The following PDE11A variants were observed in gnomAD, a reference collection of about 807,000 sequenced individuals.
PDE11A encodes dual 3',5'-cyclic-AMP and -GMP phosphodiesterase 11A.
Under a neutral mutation model 100.5 loss-of-function variants are expected in PDE11A, and 100 were observed. The ratio of observed to expected loss-of-function variants is 1.00; its 90% CI spans 0.85 to 1.18. The LOEUF (loss-of-function observed/expected upper bound fraction) is 1.18. Ranked by LOEUF, PDE11A falls within the 50% of genes most tolerant of loss-of-function variation. The pLI, the probability that PDE11A is intolerant of heterozygous loss-of-function variation, is 0.00. For missense variants in PDE11A, 1,141 were observed against 1,152.6 expected, an observed-to-expected ratio of 0.99 and a Z score of 0.15; for synonymous variants, 381 against 420.8, an observed-to-expected ratio of 0.91 and a Z score of 1.16.
chr2:177,768,147 G>A (rs2082264044), intron 10 of PDE11A, among the ~76,000 whole-genome samples: 1 of 152,130 alleles, frequency 6.6e-6, no homozygotes. Flanking sequence ...GCCCTTGCGA[G>A]GAGTTCTTTT....
intron 2 of PDE11A, among the ~76,000 whole-genome samples, chr2:177,960,963 A>G (rs538540037): frequency 6.6e-6 from 1 of 152,314 alleles, no homozygotes; most frequent in East Asian, 1.9e-4. Flanking sequence ...TAGATAGCAA[A>G]TGCTTCAGTA....
chr2:178,062,311 C>T (rs2086982285), intron 1 of PDE11A, among the ~76,000 whole-genome samples: 3 of 148,794 alleles, frequency 2.0e-5, no homozygotes, highest in African/African-American at 7.5e-5. Context: ...GAGAATCTGA[C>T]TCCAGTCTCA....
At chr2:177,822,275 C>T (rs2083153137) in intron 6 of PDE11A, among the ~76,000 whole-genome samples, 1 of 151,626 alleles carries the variant, frequency 6.6e-6, no homozygotes, top group African/African-American at 2.4e-5. Context: ...ATAATATGAG[C>T]TAGGAGTCAA....
At chr2:177,811,028 T>C (rs1014770167) in intron 9 of PDE11A, among the ~76,000 whole-genome samples, 3 of 152,304 alleles carry the variant, frequency 2.0e-5, no homozygotes, top group Admixed American at 1.3e-4. Context: ...CACAGACTTA[T>C]ATTTTCTGGC....
intron 2 of PDE11A, among the ~76,000 whole-genome samples, chr2:177,938,568 A>G (rs1303826165): frequency 6.6e-6 from 1 of 152,108 alleles, no homozygotes; most frequent in African/African-American, 2.4e-5. Flanking sequence ...ATGCTTACAC[A>G]ATTCCCTGGC....
chr2:177,812,434 A>T (rs144546254), intron 9 of PDE11A, among the ~76,000 whole-genome samples: 252 of 152,300 alleles, frequency 1.7e-3, no homozygotes, highest in African/African-American at 5.6e-3. Context: ...ACACAAAGCA[A>T]GATCTGCATT....
At chr2:177,643,592 A>G (rs2080177877) in intron 19 of PDE11A, among the ~76,000 whole-genome samples, 1 of 152,246 alleles carries the variant, frequency 6.6e-6, no homozygotes, top group South Asian at 2.1e-4. Context: ...ACAATGCAAT[A>G]GAAAAGAAAA....
rs1421088254 is a variant in PDE11A at position 177,890,342 on chromosome 2, AAGG to A, written c.1302+7713_1302+7715del. Among the ~76,000 whole-genome samples the A allele has an allele frequency of 2.0e-5, 3 of 152,166 alleles. No individual in the cohort carries two copies. The East Asian group carries it at 5.8e-4, about 29-fold the overall frequency. On this transcript the variant is annotated intron_variant, in intron 4 of 19. Coordinates refer to ENST00000286063, the MANE Select transcript of PDE11A (RefSeq NM_016953.4). ...ACACCTTCTGCCAATCTATGGCAGC[AAGG>A]AGGACTCAAGAAACATCCCCGAGCC... is the stretch of plus-strand genomic sequence containing the variant.
intron 1 of PDE11A, among the ~76,000 whole-genome samples, chr2:178,025,163 G>A (rs1220135958): frequency 6.6e-6 from 1 of 152,178 alleles, no homozygotes; most frequent in Non-Finnish European, 1.5e-5. Flanking sequence ...TTCCTAAAGA[G>A]TTCTAAATAG....
intron 1 of PDE11A, among the ~76,000 whole-genome samples, chr2:178,043,095 T>C (rs369132562): frequency 7.9e-4 from 121 of 152,340 alleles, no homozygotes; most frequent in African/African-American, 2.7e-3. Context: ...TTGTGGTTTA[T>C]GCAGTGCAGT....
At chr2:177,943,559 C>T (rs997183305) in intron 2 of PDE11A, among the ~76,000 whole-genome samples, 3 of 152,078 alleles carry the variant, frequency 2.0e-5, no homozygotes, top group Non-Finnish European at 2.9e-5. Context: ...AAGTCCTTTG[C>T]CCATTTTTAA....
At chr2:177,709,631 G>A (rs1574067234) in intron 13 of PDE11A, among the ~76,000 whole-genome samples, 2 of 152,192 alleles carry the variant, frequency 1.3e-5, no homozygotes, top group East Asian at 1.9e-4. Flanking sequence ...CTGAAGGATC[G>A]TGAAGAGTGA....
At chr2:177,785,006 A>T (rs981909367) in intron 9 of PDE11A, among the ~76,000 whole-genome samples, 1 of 152,094 alleles carries the variant, frequency 6.6e-6, no homozygotes, top group African/African-American at 2.4e-5. Context: ...ATTTAGTAAA[A>T]CTTTGTTTTC....
At chr2:178,062,323 A>T (rs941889327) in intron 1 of PDE11A, among the ~76,000 whole-genome samples, 2 of 149,406 alleles carry the variant, frequency 1.3e-5, no homozygotes, top group Admixed American at 6.7e-5. Context: ...CCAGTCTCAT[A>T]TACCTGAAGA....
chr2:177,867,568 A>C (rs900940883), intron 5 of PDE11A, among the ~76,000 whole-genome samples: 1 of 152,074 alleles, frequency 6.6e-6, no homozygotes, highest in Non-Finnish European at 1.5e-5. Flanking sequence ...TCTCTACTAA[A>C]AATACAAAAA....
intron 13 of PDE11A, among the ~76,000 whole-genome samples, chr2:177,703,211 A>G (rs2081226550): frequency 6.6e-6 from 1 of 152,154 alleles, no homozygotes; most frequent in South Asian, 2.1e-4. Flanking sequence ...ATTATTATTA[A>G]TAAAGCTACC....
At chr2:177,794,777 TGTTTGTTTG>T (rs1558942256) in intron 9 of PDE11A, among the ~76,000 whole-genome samples, 1 of 65,038 alleles carries the variant, frequency 1.5e-5, no homozygotes, top group Non-Finnish European at 3.1e-5. Context: ...TTTGTTTGTT[TGTTTGTTTG>T]TTTGTTTGTT....
intron 15 of PDE11A, among the ~76,000 whole-genome samples, chr2:177,683,990 T>C (rs373534710): frequency 9.8e-5 from 15 of 152,318 alleles, no homozygotes; most frequent in South Asian, 2.1e-4. Flanking sequence ...CCTGAAGCTA[T>C]GGTTAATTTG....
chr2:178,037,202 A>G (rs2086625045), intron 1 of PDE11A, among the ~76,000 whole-genome samples: 1 of 152,236 alleles, frequency 6.6e-6, no homozygotes, highest in Admixed American at 6.5e-5. Flanking sequence ...ACCATGAAAC[A>G]GTGGGCAAAG....
Sources: allele counts gnomAD v4.1 joint callset (sites outside exome capture counted in the v4.1 genomes callset), GRCh38; gene constraint gnomAD v4.1.1; transcripts MANE v1.5; gene names NCBI Gene and HGNC (gene_info 2026-07-23, HGNC 2026-07-21).